Variants in MEIS2 observed in about 807,000 individuals in gnomAD.
The protein encoded by MEIS2 is Meis homeobox 2, also known as homeobox protein Meis2.
A neutral mutation model predicts 58.6 loss-of-function variants in MEIS2; 9 were observed. The observed-to-expected ratio is 0.15, with a 90% CI of 0.09 to 0.27. The LOEUF (loss-of-function observed/expected upper bound fraction) is 0.27, where lower values mean the gene tolerates loss of function less well. MEIS2 is among the 10% of genes least tolerant of loss of function. The pLI, the probability that MEIS2 is intolerant of heterozygous loss-of-function variation, is 1.00. For missense variants in MEIS2, 427 were observed against 635.0 expected, an observed-to-expected ratio of 0.67 and a Z score of 3.52; for synonymous variants, 221 against 228.4, an observed-to-expected ratio of 0.97 and a Z score of 0.29.
intron 7 of MEIS2, among the ~76,000 whole-genome samples, chr15:37,045,956 T>C (rs1338888411): frequency 6.6e-6 from 1 of 152,176 alleles, no homozygotes; most frequent in Non-Finnish European, 1.5e-5. Context: ...TCCCTGGTCC[T>C]GAACACCCTC....
chr15:37,033,870 G>T lies in MEIS2; in HGVS notation c.900+2944C>A, dbSNP rs982739796. ...AAGATTGGAAAGTAAAAGTTTTACA[G>T]GACCATCCTCATCAAAGTTACTGAA... On this transcript the variant is annotated intron_variant, in intron 8 of 11. Coordinates refer to ENST00000561208, the MANE Select transcript of MEIS2 (RefSeq NM_170675.5). 4.6e-5 allele frequency among the ~76,000 whole-genome samples: 7 copies of T among 152,230 alleles called. No individual in the cohort carries two copies. The South Asian group carries it at 6.2e-4, about 14-fold the overall frequency.
At chr15:37,027,958 C>T (rs1346659089) in intron 8 of MEIS2, among the ~76,000 whole-genome samples, 1 of 152,212 alleles carries the variant, frequency 6.6e-6, no homozygotes, top group African/African-American at 2.4e-5. Context: ...ACCCAGAGTC[C>T]ATACTTTCCA....
At chr15:37,067,473 C>T (rs1890105889) in intron 7 of MEIS2, among the ~76,000 whole-genome samples, 2 of 151,968 alleles carry the variant, frequency 1.3e-5, no homozygotes, top group African/African-American at 4.8e-5. Context: ...CTCCAGGCCT[C>T]CTAAAGCTGT....
At chr15:37,070,052 G>A (rs561650942) in intron 7 of MEIS2, among the ~76,000 whole-genome samples, 1 of 152,224 alleles carries the variant, frequency 6.6e-6, no homozygotes, top group African/African-American at 2.4e-5. Flanking sequence ...TTCATGTCAA[G>A]AGTAAAAGTC....
chr15:36,993,635 CTGTG>C (rs1394888072), intron 8 of MEIS2, among the ~76,000 whole-genome samples: 2 of 152,068 alleles, frequency 1.3e-5, no homozygotes, highest in African/African-American at 4.8e-5. Context: ...AATATAAAGG[CTGTG>C]TGTATGTGCT....
chr15:37,087,290 C>G (rs2141930474), intron 6 of MEIS2, among the ~76,000 whole-genome samples: 1 of 152,172 alleles, frequency 6.6e-6, no homozygotes, highest in Middle Eastern at 3.4e-3. Context: ...TCTTCTTGCT[C>G]TTACGTAATT....
chr15:36,950,414 A>G lies in MEIS2; in HGVS notation c.901-14T>C. 1 of 1,609,250 alleles carries G rather than the reference A, an allele frequency of 6.2e-7. No individual in the cohort carries two copies. The highest frequency in any genetic ancestry group is 2.2e-5 in the East Asian group (1 of 44,816). On this transcript the variant is annotated splice_polypyrimidine_tract_variant and intron_variant, in intron 8 of 11. Transcript: ENST00000561208. ...AGGGTACGGATGCTAATGGAAAAAC[A>G]AATGTTTTAAAAGATGGATCAGAAG...
At chr15:37,082,854 A>G (rs1004928152) in intron 7 of MEIS2, among the ~76,000 whole-genome samples, 6 of 152,088 alleles carry the variant, frequency 3.9e-5, no homozygotes, top group Admixed American at 1.3e-4. Flanking sequence ...TAAATGGCAT[A>G]TATAACTACA....
chr15:37,097,519 T>C (rs1308409952), intron 2 of MEIS2, among the ~76,000 whole-genome samples: 2 of 152,058 alleles, frequency 1.3e-5, no homozygotes, highest in Non-Finnish European at 1.5e-5. Flanking sequence ...CTCAAGCTGC[T>C]GTTAGTGACT....
At chr15:37,096,955 T>G (rs562735883) in intron 2 of MEIS2, among the ~76,000 whole-genome samples, 14 of 152,358 alleles carry the variant, frequency 9.2e-5, no homozygotes, top group African/African-American at 3.4e-4. Flanking sequence ...GAGAATGCTC[T>G]TTTAATCTCT....
At chr15:37,079,544 G>GA (rs11391725) in intron 7 of MEIS2, among the ~76,000 whole-genome samples, 147,531 of 151,898 alleles carry the variant, frequency 0.97, 71,762 homozygotes, top group East Asian at 1. Flanking sequence ...ACTTTGGTGG[G>GA]AAAAAAATAC....
chr15:37,096,961 T>A lies in MEIS2; in HGVS notation c.246-531A>T, dbSNP rs1030789109. Among the ~76,000 whole-genome samples, 4 of 152,370 alleles carry A rather than the reference T, an allele frequency of 2.6e-5. No individual in the cohort carries two copies. In the East Asian group the frequency reaches 7.7e-4, roughly 29 times the overall value. ...TAAATGCAAGAGAATGCTCTTTTAA[T>A]CTCTCCACCTCCTTGCCTTATAAAC... On this transcript the variant is annotated intron_variant, in intron 2 of 11. Coordinates refer to ENST00000561208, the MANE Select transcript of MEIS2 (RefSeq NM_170675.5).
At position 36,995,256 on chromosome 15, in the gene MEIS2, T is replaced by G. The variant is rs377694054; in HGVS notation, c.900+41558A>C. The stretch of plus-strand genomic sequence containing the variant: ...TGTAAAGTCTATTTGATATTTTTAC[T>G]TAAACACTTTAAACATTTTCATGCA... On this transcript the variant is annotated intron_variant, in intron 8 of 11. Coordinates refer to ENST00000561208, the MANE Select transcript of MEIS2 (RefSeq NM_170675.5). Among the ~76,000 whole-genome samples the G allele has an allele frequency of 3.9e-5, 6 of 152,332 alleles. No homozygotes were observed. In the East Asian group the frequency reaches 5.8e-4, roughly 15 times the overall value.
chr15:37,088,935 G>A (rs1241954495), intron 6 of MEIS2, among the ~76,000 whole-genome samples: 2 of 152,156 alleles, frequency 1.3e-5, no homozygotes, highest in Non-Finnish European at 2.9e-5. Flanking sequence ...GATAGGGAAT[G>A]TCTATGTGGT....
rs1022782128 is a variant in MEIS2 at position 36,946,423 on chromosome 15, A to G, written c.977+3901T>C. Among the ~76,000 whole-genome samples the G allele has an allele frequency of 8.9e-4, 97 of 109,266 alleles. No individual in the cohort carries two copies. In the Middle Eastern group the frequency reaches 0.023, roughly 26 times the overall value. The allele number at this position is 109,266 out of a possible 152,430, so 71.7% of individuals were successfully genotyped here. ...CCTCCCTGCCATCAAAGAACTGTAG[A>G]AAAAAAAAAAAAAAACTATCATCTG... On this transcript the variant is annotated intron_variant, in intron 9 of 11. Coordinates refer to ENST00000561208, the MANE Select transcript of MEIS2 (RefSeq NM_170675.5).
chr15:36,966,714 T>C (rs1436769050), intron 8 of MEIS2, among the ~76,000 whole-genome samples: 3 of 152,108 alleles, frequency 2.0e-5, no homozygotes, highest in African/African-American at 7.2e-5. Context: ...GGAGTGAAGG[T>C]ACTAAATGAA....
At chr15:36,926,458 G>A (rs2057753579) in intron 9 of MEIS2, among the ~76,000 whole-genome samples, 3 of 152,162 alleles carry the variant, frequency 2.0e-5, no homozygotes, top group African/African-American at 7.2e-5. Context: ...AATATTTTAT[G>A]AATAATAAAA....
chr15:37,034,033 A>C lies in MEIS2; in HGVS notation c.900+2781T>G, dbSNP rs576101719. 3.7e-4 allele frequency among the ~76,000 whole-genome samples: 56 copies of C among 152,276 alleles called. No individual in the cohort carries two copies. The Middle Eastern group carries it at 0.014, about 37-fold the overall frequency. On this transcript the variant is annotated intron_variant, in intron 8 of 11. Transcript: ENST00000561208. ...GGCACAGAGAGAAAGATGGGAGACA[A>C]AGCTAGTGGGAGAAAGTAATGAAAG...
chr15:37,081,425 A>G (rs993411111), intron 7 of MEIS2, among the ~76,000 whole-genome samples: 1 of 152,194 alleles, frequency 6.6e-6, no homozygotes, highest in Non-Finnish European at 1.5e-5. Context: ...TTTGCCCTGA[A>G]GCAGATAATT....
Sources: allele counts gnomAD v4.1 joint callset (sites outside exome capture counted in the v4.1 genomes callset), GRCh38; gene constraint gnomAD v4.1.1; transcripts MANE v1.5; gene names NCBI Gene and HGNC (gene_info 2026-07-23, HGNC 2026-07-21).